The following THOC2 variants were observed in gnomAD, a reference collection of about 807,000 sequenced individuals.
THOC2 encodes the protein THO complex subunit 2, also known as THO complex 2.
THOC2 carries 10 observed loss-of-function variants against 128.4 expected under a neutral mutation model. The ratio of observed to expected loss-of-function variants is 0.08; its 90% CI spans 0.05 to 0.13. The LOEUF (loss-of-function observed/expected upper bound fraction) is 0.13, where lower values mean the gene tolerates loss of function less well. THOC2 is among the 10% of genes least tolerant of loss of function. THOC2 has a pLI of 1.00. For missense variants in THOC2, 535 were observed against 1,155.7 expected, an observed-to-expected ratio of 0.46 and a Z score of 7.79; for synonymous variants, 393 against 396.9, an observed-to-expected ratio of 0.99 and a Z score of 0.12.
chrX:123,720,090 T>A (rs977618485), intron 1 of THOC2, among the ~76,000 whole-genome samples: 29 of 108,456 alleles, frequency 2.7e-4, no homozygotes, highest in African/African-American at 9.8e-4. Context: ...AAGGCTGCAG[T>A]GAGCTGAGAT....
At chrX:123,617,433 T>A (rs759992644) in intron 33 of THOC2, among the ~76,000 whole-genome samples, 11 of 111,296 alleles carry the variant, frequency 9.9e-5, no homozygotes, top group Non-Finnish European at 1.3e-4. Context: ...CTTGAATCAC[T>A]GTAATTTTTA....
At chrX:123,636,442 C>T (rs931893211) in intron 18 of THOC2, among the ~76,000 whole-genome samples, 1 of 111,699 alleles carries the variant, frequency 9.0e-6, no homozygotes, top group Admixed American at 9.5e-5. Flanking sequence ...AAATTCAGAA[C>T]AGATATGTCA....
chrX:123,723,411 G>A (rs181266387), intron 1 of THOC2, among the ~76,000 whole-genome samples: 296 of 110,754 alleles, frequency 2.7e-3, no homozygotes, highest in African/African-American at 9.2e-3. Context: ...CTATAACCCA[G>A]AGATTCTACA....
chrX:123,653,573 G>GA (rs60897921), intron 12 of THOC2, among the ~76,000 whole-genome samples: 17 of 104,004 alleles, frequency 1.6e-4, no homozygotes, highest in East Asian at 6.0e-4. Flanking sequence ...AAATTTACAA[G>GA]AAAAAAAAAA....
At chrX:123,692,494 C>CTTTTTTTTT (rs984272905) in intron 7 of THOC2, among the ~76,000 whole-genome samples, 1 of 56,912 alleles carries the variant, frequency 1.8e-5, no homozygotes, top group Non-Finnish European at 3.0e-5. Context: ...AAATAACTGC[C>CTTTTTTTTT]TTTTTTTTTT....
At chrX:123,668,377 G>A in intron 9 of THOC2, 63 bp from the exon 10 acceptor site, 2 of 739,739 alleles carry the variant, frequency 2.7e-6, no homozygotes, top group East Asian at 3.6e-5. Flanking sequence ...CATATAAAAA[G>A]GAAACACTAT....
chrX:123,645,465 G>A, intron 12 of THOC2, 90 bp from the exon 13 acceptor site: 1 of 484,748 alleles, frequency 2.1e-6, no homozygotes, highest in Non-Finnish European at 3.3e-6. Flanking sequence ...ACTTTAACTT[G>A]CACATGGTTG....
At chrX:123,680,694 A>G (rs971442525) in intron 8 of THOC2, among the ~76,000 whole-genome samples, 4 of 111,024 alleles carry the variant, frequency 3.6e-5, no homozygotes, top group Middle Eastern at 4.6e-3. Context: ...TAACATGCGC[A>G]AAGTGAATTC....
At chrX:123,636,277 T>C (rs979126848) in intron 18 of THOC2, 102 bp from the exon 19 acceptor site, 4 of 565,962 alleles carry the variant, frequency 7.1e-6, no homozygotes, top group African/African-American at 7.0e-5. Flanking sequence ...AATAATTGTA[T>C]TGCTGATGCT....
Position 123,633,938 on chromosome X carries a change from A to T in THOC2, c.2136+15T>A, listed in dbSNP as rs757319245. 1.9e-6 allele frequency: 2 copies of T among 1,052,862 alleles called. No homozygotes were observed. Among genetic ancestry groups the T allele is most frequent in the Admixed American group, 4.9e-5 (2 of 41,067 alleles). 86.8% of individuals were successfully genotyped at this position (1,052,862 alleles called of 1,213,427 possible). ...TGAATTTTAAAAGTTGATGAACAAA[A>T]ATAGCAATTCTTACCTCAGCTTTTA... On this transcript the variant is annotated intron_variant, in intron 20 of 38. Coordinates refer to ENST00000245838, the MANE Select transcript of THOC2 (RefSeq NM_001081550.2).
intron 9 of THOC2, among the ~76,000 whole-genome samples, chrX:123,669,639 A>T (rs1325697674): frequency 2.7e-5 from 3 of 111,611 alleles, no homozygotes; most frequent in Non-Finnish European, 5.6e-5. Flanking sequence ...TTTTACCCAG[A>T]CAATTACAAC....
In THOC2 at chrX:123,611,526, A is replaced by G. The variant is rs1459432172; in HGVS notation, c.4678-10T>C. The G allele has an allele frequency of 9.1e-7, 1 of 1,099,439 alleles. No individual in the cohort carries two copies. The highest frequency in any genetic ancestry group is 2.2e-5 in the Admixed American group (1 of 44,662). The allele number at this position is 1,099,439 out of a possible 1,213,427, so 90.6% of individuals were successfully genotyped here. A position where few individuals can be genotyped will look rare whatever the true frequency, so the allele number is the denominator to read the frequency against. On this transcript the variant is annotated splice_polypyrimidine_tract_variant and intron_variant, in intron 36 of 38. Coordinates refer to ENST00000245838, the MANE Select transcript of THOC2 (RefSeq NM_001081550.2). ...TATCATGCCTGGACTCCTATAAGAA[A>G]TAGTAGAATTAGCTGGGGAAGGGAA...
At chrX:123,631,413 A>G (rs2047479992) in intron 22 of THOC2, among the ~76,000 whole-genome samples, 1 of 112,379 alleles carries the variant, frequency 8.9e-6, no homozygotes, top group Admixed American at 9.4e-5. Context: ...ATCAAGTAGC[A>G]GTTAGTTAGG....
At chrX:123,646,895 G>A (rs1273815592) in intron 12 of THOC2, among the ~76,000 whole-genome samples, 3 of 111,215 alleles carry the variant, frequency 2.7e-5, no homozygotes, top group African/African-American at 9.8e-5. Context: ...GGAAAAACTA[G>A]GTTTATGGTA....
At chrX:123,657,179 T>C (rs2048630802) in intron 12 of THOC2, among the ~76,000 whole-genome samples, 1 of 111,584 alleles carries the variant, frequency 9.0e-6, no homozygotes, top group East Asian at 2.8e-4. Context: ...GATATCTCCA[T>C]AGAAGCCTGC....
chrX:123,651,888 C>A (rs2048373846), intron 12 of THOC2, among the ~76,000 whole-genome samples: 1 of 111,205 alleles, frequency 9.0e-6, no homozygotes, highest in Non-Finnish European at 1.9e-5. Context: ...GAGCTCGTAC[C>A]ATTCTTTCTG....
In THOC2 at chrX:123,710,546, A is replaced by G. The variant is rs1008450215; in HGVS notation, c.130+2304T>C. Among the ~76,000 whole-genome samples, 7 of 111,807 alleles carry G rather than the reference A, an allele frequency of 6.3e-5. No homozygotes were observed. The East Asian group carries it at 2.0e-3, about 32-fold the overall frequency. Reference sequence around the variant, plus strand: ...CTTAAACAAGAATACATTACTGTCTATCAACCTCAAAAATCTTTTGAGTGA... The same window carrying G: ...CTTAAACAAGAATACATTACTGTCTGTCAACCTCAAAAATCTTTTGAGTGA... On this transcript the variant is annotated intron_variant, in intron 2 of 38. Transcript: ENST00000245838.
chrX:123,625,821 T>G lies in THOC2; in HGVS notation c.3057+91A>C, dbSNP rs184611913. 1.1e-5 allele frequency: 11 copies of G among 976,419 alleles called. No homozygotes were observed. In the East Asian group the frequency reaches 1.6e-4, roughly 14 times the overall value. The allele number at this position is 976,419 out of a possible 1,213,427, so 80.5% of individuals were successfully genotyped here. A position where few individuals can be genotyped will look rare whatever the true frequency, so the allele number is the denominator to read the frequency against. On this transcript the variant is annotated intron_variant, in intron 25 of 38. Transcript: ENST00000245838. ...AGACACTTGGTTCTTGAGTTCATGCTTTTTAACTAAACACACAATAATACC... is the reference window on the plus strand; with the variant it reads ...AGACACTTGGTTCTTGAGTTCATGCGTTTTAACTAAACACACAATAATACC...
chrX:123,633,701 G>A (rs757900867), intron 20 of THOC2, among the ~76,000 whole-genome samples: 1 of 111,909 alleles, frequency 8.9e-6, no homozygotes, highest in African/African-American at 3.3e-5. Flanking sequence ...ACCACGCCCG[G>A]CCTTATTTGG....
Sources: allele counts gnomAD v4.1 joint callset (sites outside exome capture counted in the v4.1 genomes callset), GRCh38; gene constraint gnomAD v4.1.1; transcripts MANE v1.5; gene names NCBI Gene and HGNC (gene_info 2026-07-23, HGNC 2026-07-21).